ARHGAP26: variants seen among roughly 807,000 people sequenced by gnomAD.
ARHGAP26 encodes Rho GTPase activating protein 26.
In ARHGAP26, 38 loss-of-function variants were observed where a neutral mutation model predicts 104.8. That is an observed-to-expected ratio of 0.36 (90% CI 0.28 to 0.48). ARHGAP26 has a LOEUF of 0.48. Among genes scored for constraint, ARHGAP26 ranks in the 20% least tolerant of loss-of-function variants. The pLI, the probability that ARHGAP26 is intolerant of heterozygous loss-of-function variation, is 0.99. For missense variants in ARHGAP26, 704 were observed against 947.9 expected (o/e 0.74, Z 3.38); for synonymous variants, 341 against 340.0 (o/e 1.00, Z -0.03).
At chr5:142,969,572 ATTAT>A (rs1251347543) in intron 11 of ARHGAP26, among the ~76,000 whole-genome samples, 1 of 152,186 alleles carries the variant, frequency 6.6e-6, no homozygotes, top group African/African-American at 2.4e-5. Context: ...CTCCAGTTGG[ATTAT>A]TTGTCTTTTC....
chr5:143,008,671 C>G (rs77317774), intron 11 of ARHGAP26, among the ~76,000 whole-genome samples: 20 of 152,274 alleles, frequency 1.3e-4, no homozygotes, highest in African/African-American at 4.3e-4. Context: ...GATTTTGATC[C>G]AAAGTGTGGT....
chr5:142,874,454 A>G (rs1755785223), intron 2 of ARHGAP26, among the ~76,000 whole-genome samples: 1 of 152,194 alleles, frequency 6.6e-6, no homozygotes, highest in Non-Finnish European at 1.5e-5. Flanking sequence ...AATGGTGAAA[A>G]TGTATCCTTG....
At chr5:142,900,337 T>G (rs1200568694) in intron 6 of ARHGAP26, among the ~76,000 whole-genome samples, 1 of 152,180 alleles carries the variant, frequency 6.6e-6, no homozygotes, top group Non-Finnish European at 1.5e-5. Flanking sequence ...CGGATTTATG[T>G]TAGGGGTCTG....
chr5:142,973,678 T>A (rs1197880785), intron 11 of ARHGAP26, among the ~76,000 whole-genome samples: 1 of 152,204 alleles, frequency 6.6e-6, no homozygotes, highest in East Asian at 1.9e-4. Context: ...TTAAAATAAA[T>A]CCATGGGTGT....
chr5:143,008,335 C>T (rs148835701), intron 11 of ARHGAP26, among the ~76,000 whole-genome samples: 74 of 152,276 alleles, frequency 4.9e-4, no homozygotes, highest in Admixed American at 6.5e-4. Flanking sequence ...ACAAATCTGT[C>T]GCCACTGACA....
At chr5:143,079,127 G>C (rs933242169) in intron 17 of ARHGAP26, among the ~76,000 whole-genome samples, 10 of 152,146 alleles carry the variant, frequency 6.6e-5, no homozygotes, top group African/African-American at 1.9e-4. Context: ...CCTTTAACTT[G>C]TGCTCTCTTG....
At chr5:143,049,810 T>G (rs1784742295) in intron 14 of ARHGAP26, among the ~76,000 whole-genome samples, 1 of 152,176 alleles carries the variant, frequency 6.6e-6, no homozygotes, top group Non-Finnish European at 1.5e-5. Flanking sequence ...GGTTTTGGTA[T>G]TTGGTCATGG....
chr5:143,218,516 C>T (rs1403088170), intron 22 of ARHGAP26, among the ~76,000 whole-genome samples: 1 of 152,162 alleles, frequency 6.6e-6, no homozygotes, highest in Non-Finnish European at 1.5e-5. Context: ...CCATTAGAGA[C>T]CTTAGTCACA....
chr5:142,949,058 C>T (rs902138813), intron 11 of ARHGAP26, among the ~76,000 whole-genome samples: 5 of 151,150 alleles, frequency 3.3e-5, no homozygotes, highest in Non-Finnish European at 7.4e-5. Flanking sequence ...TGAGCCAAGA[C>T]TGCAGCACTT....
intron 20 of ARHGAP26, among the ~76,000 whole-genome samples, chr5:143,153,120 A>G (rs1218371844): frequency 3.3e-5 from 5 of 152,188 alleles, no homozygotes; most frequent in Non-Finnish European, 7.4e-5. Context: ...CAGCATGGAG[A>G]CTAGCCTCTC....
In ARHGAP26 at chr5:143,207,293, A is replaced by T. The variant is rs200244300; in HGVS notation, c.2084A>T (p.Asp695Val). Residue 695 changes from aspartate to valine, a missense_variant, in exon 21 of 23, where the codon GAC becomes GTC. By Grantham distance (152) the Asp-to-Val change is radical. Around this residue, in one of 6 missense-constraint regions of ARHGAP26, gnomAD observed 217 missense variants for 242.6 expected, o/e 0.89. Coordinates refer to ENST00000645722, the MANE Select transcript of ARHGAP26 (RefSeq NM_001135608.3). ...ATGCCCACCTCATCCACGTCCAGCG[A>T]CTCATCCCCCGTCAGGTCTGTTGCA... ...SPMPTSSTSS[D>V]SSPVSTPFRK... The T allele has an allele frequency of 5.3e-5, 85 of 1,612,942 alleles. 1 individual carries two copies. The Admixed American group carries it at 1.1e-3, about 20-fold the overall frequency.
At chr5:142,949,184 A>AGAGAGAGAG (rs1767713957) in intron 11 of ARHGAP26, among the ~76,000 whole-genome samples, 1 of 23,448 alleles carries the variant, frequency 4.3e-5, no homozygotes, top group Non-Finnish European at 7.5e-5. Context: ...AGAGAGAGAG[A>AGAGAGAGAG]GAGAGAGAGA....
At chr5:143,110,379 A>G (rs1794631957) in intron 17 of ARHGAP26, among the ~76,000 whole-genome samples, 1 of 152,220 alleles carries the variant, frequency 6.6e-6, no homozygotes, top group African/African-American at 2.4e-5. Flanking sequence ...TAGATGTTGC[A>G]GTTTTGGCCT....
At chr5:142,928,474 C>G (rs1279406558) in intron 10 of ARHGAP26, among the ~76,000 whole-genome samples, 1 of 152,138 alleles carries the variant, frequency 6.6e-6, no homozygotes, top group Non-Finnish European at 1.5e-5. Flanking sequence ...CAGGAGCTCA[C>G]TAAGGTGTTT....
intron 1 of ARHGAP26, among the ~76,000 whole-genome samples, chr5:142,804,259 A>G (rs1201672259): frequency 3.3e-5 from 5 of 152,208 alleles, no homozygotes; most frequent in Non-Finnish European, 7.4e-5. Flanking sequence ...ATATACACAC[A>G]CATATATATA....
intron 20 of ARHGAP26, among the ~76,000 whole-genome samples, chr5:143,158,820 G>T (rs1414979902): frequency 6.6e-6 from 1 of 152,154 alleles, no homozygotes; most frequent in African/African-American, 2.4e-5. Context: ...ATTACCTCTT[G>T]TTGCCCTATA....
chr5:143,207,533 AG>A lies in ARHGAP26; in HGVS notation c.2099+230del, dbSNP rs1170058557. 41 of 1,586,326 alleles carry A rather than the reference AG, an allele frequency of 2.6e-5. No individual in the cohort carries two copies. The Admixed American group carries it at 5.1e-4, about 20-fold the overall frequency. The stretch of plus-strand genomic sequence containing the variant: ...TTATCCAAAGCTGGCCAGGGACAAC[AG>A]GGGGCTGCCCCTGCTCTCCTGTGGT... On this transcript the variant is annotated intron_variant, in intron 21 of 22. Coordinates refer to ENST00000645722, the MANE Select transcript of ARHGAP26 (RefSeq NM_001135608.3).
At chr5:143,015,771 A>G (rs1779506095) in intron 12 of ARHGAP26, among the ~76,000 whole-genome samples, 1 of 152,248 alleles carries the variant, frequency 6.6e-6, no homozygotes, top group African/African-American at 2.4e-5. Context: ...TACACCAGCC[A>G]GAAGTTTACT....
At chr5:143,187,612 C>A (rs1805336852) in intron 20 of ARHGAP26, among the ~76,000 whole-genome samples, 1 of 152,246 alleles carries the variant, frequency 6.6e-6, no homozygotes, top group Non-Finnish European at 1.5e-5. Context: ...GTGGCACAGG[C>A]ATTCAGAAAA....
Sources: gnomAD v4.1 joint callset for allele counts (sites outside exome capture counted in the v4.1 genomes callset) on GRCh38, gnomAD v4.1.1 for gene constraint, gnomAD v4.1.1 regional missense constraint, MANE v1.5 for transcripts, NCBI Gene and HGNC (gene_info 2026-07-23, HGNC 2026-07-21) for gene names.